The following CD9 variants were observed in gnomAD, a reference collection of about 807,000 sequenced individuals.
The protein encoded by CD9 is CD9 molecule, also known as CD9 antigen.
A neutral mutation model predicts 31.4 loss-of-function variants in CD9; 10 were observed. That is an observed-to-expected ratio of 0.32 (90% CI 0.20 to 0.54). The LOEUF (loss-of-function observed/expected upper bound fraction) is 0.54. Ranked by LOEUF, CD9 falls within the 20% of genes least tolerant of loss-of-function variation. CD9 has a pLI of 0.94. For missense variants in CD9, 259 were observed against 300.1 expected (o/e 0.86, Z 1.01); for synonymous variants, 113 against 114.1 (o/e 0.99, Z 0.06).
chr12:6,235,371 T>C, intron 5 of CD9, 44 bp downstream of exon 5: 1 of 1,614,098 alleles, frequency 6.2e-7, no homozygotes, highest in South Asian at 1.1e-5. Context: ...TTTCTCCGGA[T>C]TGTGTCTGCA....
intron 3 of CD9, chr12:6,233,176 G>A: frequency 1.5e-6 from 1 of 651,670 alleles, no homozygotes; most frequent in East Asian, 2.7e-5. Flanking sequence ...TCTGGGCTCA[G>A]CTGTGCTCAG....
chr12:6,213,727 TGGAA>T (rs1316666311), intron 1 of CD9, among the ~76,000 whole-genome samples: 3 of 152,014 alleles, frequency 2.0e-5, no homozygotes, highest in Non-Finnish European at 4.4e-5. Flanking sequence ...GGGTAGGAAG[TGGAA>T]GGAAGGTAGC....
chr12:6,232,673 G>A lies in CD9; in HGVS notation c.217G>A (p.Val73Met), dbSNP rs1354296655. ...CGGAGCCGGCGCCCTCATGATGCTG[G>A]TGGGCTTCCTGGGCTGCTGCGGGGC... ...LIGAGALMML[V>M]GFLGCCGAVQ... The change falls in exon 3 of 8, where the codon GTG becomes ATG. Residue 73 changes from valine (V) to methionine (M), a missense_variant. By Grantham distance (21) the Val-to-Met change is conservative. Transcript: ENST00000009180. This position sits in a 1 kb window ranked among gnomAD's most constrained non-coding sequence, Gnocchi z 4.8. 2 of 1,583,016 alleles carry A rather than the reference G, an allele frequency of 1.3e-6. No individual in the cohort carries two copies. Among genetic ancestry groups the A allele is most frequent in the Non-Finnish European group, 1.7e-6 (2 of 1,167,552 alleles).
At chr12:6,220,336 G>C (rs1946281074) in intron 1 of CD9, among the ~76,000 whole-genome samples, 1 of 152,160 alleles carries the variant, frequency 6.6e-6, no homozygotes, top group South Asian at 2.1e-4. Context: ...GAGGAGGCAG[G>C]GTTCAGTGGT....
intron 1 of CD9, among the ~76,000 whole-genome samples, chr12:6,204,881 T>C (rs1946113794): frequency 6.6e-6 from 1 of 152,220 alleles, no homozygotes; most frequent in Admixed American, 6.5e-5. Context: ...TCCCTGCCCC[T>C]TCCTGTATCA....
chr12:6,200,985 G>A (rs1279422577), intron 1 of CD9: 3 of 159,020 alleles, frequency 1.9e-5, no homozygotes, highest in African/African-American at 7.2e-5. Context: ...TGAGCAGTAT[G>A]GCTTGTGACC....
intron 3 of CD9, 34 bp from the exon 4 acceptor site, chr12:6,233,378 A>T: frequency 1.9e-6 from 3 of 1,543,110 alleles, no homozygotes; most frequent in Non-Finnish European, 2.7e-6. Context: ...GTTGGCTGGG[A>T]CTGTTCTCAC....
intron 1 of CD9, among the ~76,000 whole-genome samples, chr12:6,215,052 C>T (rs1591967214): frequency 6.6e-6 from 1 of 152,172 alleles, no homozygotes; most frequent in East Asian, 1.9e-4. Flanking sequence ...TGCCGCATTT[C>T]CAGGGTGACC....
intron 1 of CD9, among the ~76,000 whole-genome samples, chr12:6,202,290 G>A (rs974061415): frequency 8.6e-5 from 13 of 151,972 alleles, no homozygotes; most frequent in Admixed American, 3.9e-4. Flanking sequence ...CCTGCTGGCC[G>A]TGGGCACCCC....
chr12:6,210,554 G>C (rs778474659), intron 1 of CD9, among the ~76,000 whole-genome samples: 2 of 152,204 alleles, frequency 1.3e-5, no homozygotes, highest in Non-Finnish European at 2.9e-5. Flanking sequence ...CAGCTGCCCT[G>C]CTGTCAGGGA....
Position 6,212,969 on chromosome 12 carries a change from T to C in CD9, c.66+12404T>C, listed in dbSNP as rs1162043079. On this transcript the variant is annotated intron_variant, in intron 1 of 7. Coordinates refer to ENST00000009180, the MANE Select transcript of CD9 (RefSeq NM_001769.4). ...AGTGGGCCAGGAGCGGGCAAGGAGTTGTCTTGATAGAAACGCTGATTCCCG... is the reference window on the plus strand; with the variant it reads ...AGTGGGCCAGGAGCGGGCAAGGAGTCGTCTTGATAGAAACGCTGATTCCCG... 3.3e-5 allele frequency among the ~76,000 whole-genome samples: 5 copies of C among 152,268 alleles called. No individual in the cohort carries two copies. In the South Asian group the frequency reaches 6.2e-4, roughly 19 times the overall value.
intron 1 of CD9, among the ~76,000 whole-genome samples, chr12:6,206,413 A>G (rs1206370562): frequency 6.6e-6 from 1 of 152,068 alleles, no homozygotes; most frequent in Non-Finnish European, 1.5e-5. Context: ...TTGTAGAGAC[A>G]GGATCTCACT....
intron 1 of CD9, among the ~76,000 whole-genome samples, chr12:6,205,064 A>T (rs1004966750): frequency 6.6e-6 from 1 of 152,198 alleles, no homozygotes; most frequent in African/African-American, 2.4e-5. Flanking sequence ...GCAGTGGCAA[A>T]AGCCCCTCCC....
Position 6,233,403 on chromosome 12 carries a change from G to A in CD9, c.274-9G>A. 1 of 1,612,274 alleles carries A rather than the reference G, an allele frequency of 6.2e-7. No homozygotes were observed. Among genetic ancestry groups the A allele is most frequent in the Non-Finnish European group, 8.5e-7 (1 of 1,178,330 alleles). On this transcript the variant is annotated splice_polypyrimidine_tract_variant and intron_variant, in intron 3 of 7. Transcript: ENST00000009180. Reference sequence around the variant, plus strand: ...ACTGTTCTCACCCCGTCCCCTCGTTGCCTTCCAGTTCTTCGGCTTCCTCTT... The same window carrying A: ...ACTGTTCTCACCCCGTCCCCTCGTTACCTTCCAGTTCTTCGGCTTCCTCTT...
intron 1 of CD9, among the ~76,000 whole-genome samples, chr12:6,211,550 C>CACGT (rs1352791223): frequency 6.6e-6 from 1 of 152,240 alleles, no homozygotes; most frequent in Non-Finnish European, 1.5e-5. Flanking sequence ...GCCACGCACG[C>CACGT]ACGTGGCGGC....
At chr12:6,200,683 G>A in intron 1 of CD9, 118 bp downstream of exon 1, 1 of 640,146 alleles carries the variant, frequency 1.6e-6, no homozygotes, top group East Asian at 3.1e-5. Flanking sequence ...CAGGCACCGG[G>A]CGGGAAGAGA....
intron 1 of CD9, among the ~76,000 whole-genome samples, chr12:6,220,514 G>A (rs897118439): frequency 7.9e-5 from 12 of 152,258 alleles, no homozygotes; most frequent in Non-Finnish European, 1.8e-4. Context: ...AAGGAGCTGC[G>A]AGGTTGAAGA....
At chr12:6,225,667 G>A (rs370664434) in intron 2 of CD9, 133 bp downstream of exon 2, 1 of 614,822 alleles carries the variant, frequency 1.6e-6, no homozygotes. Context: ...GGCCAGTCGT[G>A]TCCCTTTCAA....
In CD9 at chr12:6,235,926, A is replaced by G. The variant is rs560198719; in HGVS notation, c.538-266A>G. On this transcript the variant is annotated intron_variant, in intron 6 of 7. Coordinates refer to ENST00000009180, the MANE Select transcript of CD9 (RefSeq NM_001769.4). The stretch of plus-strand genomic sequence containing the variant: ...CAGAATAGTAAAAGGTGACCTTACA[A>G]CCATGTCAGAAATAGACCCCCAAGC... The G allele has an allele frequency of 5.0e-6, 7 of 1,392,412 alleles. No individual in the cohort carries two copies. In the African/African-American group the frequency reaches 8.7e-5, roughly 17 times the overall value. The allele number at this position is 1,392,412 out of a possible 1,614,324, so 86.3% of individuals were successfully genotyped here. A position where few individuals can be genotyped will look rare whatever the true frequency, so the allele number is the denominator to read the frequency against.
Sources: allele counts gnomAD v4.1 joint callset (sites outside exome capture counted in the v4.1 genomes callset), GRCh38; gene constraint gnomAD v4.1.1; non-coding constraint Gnocchi (gnomAD v3.1); transcripts MANE v1.5; gene names NCBI Gene and HGNC (gene_info 2026-07-23, HGNC 2026-07-21).